PRP4K: variants seen among roughly 807,000 people sequenced by gnomAD.
PRP4K encodes serine/threonine-protein kinase PRP4 homolog.
At chr6:4,052,209 A>G in the PRP4K span, 1 of 1,198,716 alleles carries the variant, frequency 8.3e-7, no homozygotes, top group East Asian at 2.6e-5. Flanking sequence ...TTTTATCCAC[A>G]CAGCTCTGGT....
the PRP4K span, chr6:4,042,611 A>AT: frequency 6.3e-5 from 96 of 1,520,418 alleles, no homozygotes; most frequent in Admixed American, 8.4e-5. Context: ...GTAGTAAAAG[A>AT]TTTTTTTGCT....
At chr6:4,033,809 C>T in the PRP4K span, among the ~76,000 whole-genome samples, 1 of 151,978 alleles carries the variant, frequency 6.6e-6, no homozygotes, top group Non-Finnish European at 1.5e-5. Flanking sequence ...TTCTTTACTT[C>T]TGAGTGGCAC....
At chr6:4,052,806 T>C in the PRP4K span, 1 of 1,610,680 alleles carries the variant, frequency 6.2e-7, no homozygotes, top group Non-Finnish European at 8.5e-7. Flanking sequence ...CAGCAGTTGT[T>C]CCTGGCATTG....
chr6:4,042,562 T>C, the PRP4K span: 5 of 1,596,236 alleles, frequency 3.1e-6, no homozygotes, highest in Non-Finnish European at 4.3e-6. Context: ...GGCAGGCAAT[T>C]GTTCAGGTAT....
chr6:4,047,126 T>G, the PRP4K span: 1 of 1,514,092 alleles, frequency 6.6e-7, no homozygotes, highest in East Asian at 2.3e-5. Context: ...TATTTTGTGT[T>G]TTAAATCATC....
chr6:4,060,607 A>T, the PRP4K span: 1 of 1,611,718 alleles, frequency 6.2e-7, no homozygotes, highest in Non-Finnish European at 8.5e-7. The surrounding 1 kb of genome is among the most constrained non-coding windows in gnomAD (Gnocchi z 4.7). Context: ...TCATCCAGGA[A>T]AAAATTTAAA....
chr6:4,059,567 A>G, the PRP4K span, among the ~76,000 whole-genome samples: 154 of 152,302 alleles, frequency 1.0e-3, no homozygotes, highest in African/African-American at 3.6e-3. Flanking sequence ...TTACCACTTC[A>G]AGGTAGGGAA....
chr6:4,047,118 T>C, the PRP4K span: 3 of 1,448,002 alleles, frequency 2.1e-6, no homozygotes, highest in Admixed American at 1.7e-5. Context: ...CATTCACTTA[T>C]TTTGTGTTTT....
chr6:4,056,862 G>T, the PRP4K span: 2 of 1,065,702 alleles, frequency 1.9e-6, 1 homozygote, highest in South Asian at 3.3e-5. Context: ...TTTTAAGTTT[G>T]AGTCTCTATT....
chr6:4,044,639 T>C, the PRP4K span, among the ~76,000 whole-genome samples: 2 of 152,082 alleles, frequency 1.3e-5, no homozygotes, highest in South Asian at 2.1e-4. Flanking sequence ...AGGAGCCCTT[T>C]TTCAGTTGAT....
the PRP4K span, among the ~76,000 whole-genome samples, chr6:4,036,568 T>C: frequency 6.6e-6 from 1 of 152,100 alleles, no homozygotes; most frequent in Non-Finnish European, 1.5e-5. Context: ...TCACTTGGGC[T>C]GCAGTGGCAC....
At chr6:4,025,929 G>A in the PRP4K span, among the ~76,000 whole-genome samples, 107 of 152,314 alleles carry the variant, frequency 7.0e-4, no homozygotes, top group African/African-American at 2.4e-3. Flanking sequence ...ACTGAGCAAA[G>A]CAAAAATCTT....
the PRP4K span, chr6:4,047,299 T>C: frequency 1.5e-6 from 2 of 1,372,778 alleles, no homozygotes; most frequent in Non-Finnish European, 2.1e-6. Context: ...ACAAATATAT[T>C]GGTGCGTATA....
the PRP4K span, among the ~76,000 whole-genome samples, chr6:4,033,424 G>A: frequency 6.6e-6 from 1 of 152,130 alleles, no homozygotes; most frequent in Non-Finnish European, 1.5e-5. Context: ...CTCATGAGGT[G>A]AAGGGGCTCT....
the PRP4K span, among the ~76,000 whole-genome samples, chr6:4,025,435 T>G: frequency 6.6e-6 from 1 of 152,338 alleles, no homozygotes; most frequent in Admixed American, 6.5e-5. Flanking sequence ...AGTTGTGATT[T>G]GTGACATTTG....
At chr6:4,039,894 C>T in the PRP4K span, among the ~76,000 whole-genome samples, 5 of 148,950 alleles carry the variant, frequency 3.4e-5, no homozygotes, top group Non-Finnish European at 6.0e-5. Flanking sequence ...TCCCCTCTCC[C>T]TTCTCCTCTT....
At chr6:4,047,945 C>CAG in the PRP4K span, among the ~76,000 whole-genome samples, 1 of 135,996 alleles carries the variant, frequency 7.4e-6, no homozygotes, top group African/African-American at 2.6e-5. Flanking sequence ...CACACACACA[C>CAG]AGAGCAATAG....
chr6:4,030,996 TTTTGTTTTGC>T, the PRP4K span, among the ~76,000 whole-genome samples: 12 of 152,212 alleles, frequency 7.9e-5, no homozygotes, highest in Non-Finnish European at 1.6e-4. Context: ...TAGAGTTTTG[TTTTGTTTTGC>T]TTTGTTTTTA....
the PRP4K span, chr6:4,043,753 G>A: frequency 6.7e-7 from 1 of 1,495,424 alleles, no homozygotes; most frequent in East Asian, 2.4e-5. Flanking sequence ...TCTTAGCCAT[G>A]AATGTATTTG....
Sources: allele counts gnomAD v4.1 joint callset (sites outside exome capture counted in the v4.1 genomes callset), GRCh38; gene constraint gnomAD v4.1.1; non-coding constraint Gnocchi (gnomAD v3.1); transcripts MANE v1.5; gene names NCBI Gene and HGNC (gene_info 2026-07-23, HGNC 2026-07-21).